The following GLRX3 variants were observed in gnomAD, a reference collection of about 807,000 sequenced individuals.
GLRX3 encodes the protein glutaredoxin 3.
In GLRX3, 22 loss-of-function variants were observed where a neutral mutation model predicts 49.5. The observed-to-expected ratio is 0.44, with a 90% CI of 0.32 to 0.63. GLRX3 has a LOEUF of 0.63. Among genes scored for constraint, GLRX3 ranks in the 30% least tolerant of loss-of-function variants. The pLI is 0.05. For synonymous variants in GLRX3, 133 were observed against 140.0 expected (o/e 0.95, Z 0.35); for missense variants, 385 against 396.3 (o/e 0.97, Z 0.24).
chr10:130,149,399 G>A (rs1341330355), intron 2 of GLRX3, among the ~76,000 whole-genome samples: 1 of 150,806 alleles, frequency 6.6e-6, no homozygotes, highest in African/African-American at 2.4e-5. Context: ...CCGAGATCGC[G>A]CTACTGCACT....
rs140073546 is a variant in GLRX3 at position 130,160,052 on chromosome 10, A to G, written c.259A>G (p.Thr87Ala). 3 of 1,598,250 alleles carry G rather than the reference A, an allele frequency of 1.9e-6. No homozygotes were observed. The highest frequency in any genetic ancestry group is 2.6e-6 in the Non-Finnish European group (3 of 1,165,664). ...AAAATATGAAATTAGCTCTGTTCCC[A>G]CTTTTCTGTTTTTCAAGGTAAGGAT... ...SEKYEISSVPTFLFFKNSQKI... is the reference protein window; with the variant it reads ...SEKYEISSVPAFLFFKNSQKI... The change falls in exon 3 of 11, where the codon ACT becomes GCT. Residue 87 changes from threonine (T) to alanine (A), a missense_variant. Thr to Ala is a moderately conservative substitution (Grantham distance 58). Around this residue, in one of 2 missense-constraint regions of GLRX3, gnomAD observed 374 missense variants for 358.6 expected, o/e 1.04. Coordinates refer to ENST00000331244, the MANE Select transcript of GLRX3 (RefSeq NM_006541.5).
Position 130,145,271 on chromosome 10 carries a change from A to C in GLRX3, c.153A>C (p.Glu51Asp), listed in dbSNP as rs775246586. 3.8e-6 allele frequency: 6 copies of C among 1,577,664 alleles called. No homozygotes were observed. The highest frequency in any genetic ancestry group is 5.2e-6 in the Non-Finnish European group (6 of 1,147,334). The part of the protein sequence containing the change: ...PWAPQCAQMN[E>D]VMAELAKELP... ...CTCCACAGTGTGCACAGATGAACGA[A>C]GTTATGGCAGAGTTAGCTAAAGAAC... The change falls in exon 2 of 11, where the codon GAA (glutamate) becomes GAC (aspartate). Residue 51 changes from glutamate (E) to aspartate (D), a missense_variant. Glu to Asp is a conservative substitution (Grantham distance 45). Transcript: ENST00000331244.
chr10:130,147,252 T>C (rs924893573), intron 2 of GLRX3, among the ~76,000 whole-genome samples: 1 of 152,244 alleles, frequency 6.6e-6, no homozygotes. Flanking sequence ...GTGAAATGAA[T>C]GATTAAACAT....
In GLRX3 at chr10:130,145,221, G is replaced by T. The variant is rs1366296884; in HGVS notation, c.103G>T (p.Val35Leu). Reference sequence around the variant, plus strand: ...TTAATTGATTTACAGGTCCCTCCTTGTGGTCCATTTCTGGGCACCATGGGC... The same window carrying T: ...TTAATTGATTTACAGGTCCCTCCTTTTGGTCCATTTCTGGGCACCATGGGC... ...LLRLKAKSLL[V>L]VHFWAPWAPQ... The change falls in exon 2 of 11, where the codon GTG becomes TTG. Residue 35 changes from valine (V) to leucine (L), a missense_variant. Transcript: ENST00000331244. 2.8e-6 allele frequency: 4 copies of T among 1,411,262 alleles called. No individual in the cohort carries two copies. In the African/African-American group the frequency reaches 5.6e-5, roughly 20 times the overall value. The allele number at this position is 1,411,262 out of a possible 1,614,324, so 87.4% of individuals were successfully genotyped here. A position where few individuals can be genotyped will look rare whatever the true frequency, so the allele number is the denominator to read the frequency against.
intron 1 of GLRX3, among the ~76,000 whole-genome samples, chr10:130,139,124 G>A (rs7895399): frequency 0.21 from 32,316 of 151,578 alleles, 3,595 homozygotes; most frequent in Middle Eastern, 0.3. Context: ...CAGCGTGCTG[G>A]GATTACAGGC....
rs1862542965 is a variant in GLRX3, at chr10:130,160,006, A to G, written c.213A>G (p.Glu71=). The G allele has an allele frequency of 3.1e-6, 5 of 1,587,430 alleles. No homozygotes were observed. Among genetic ancestry groups the G allele is most frequent in the Non-Finnish European group, 4.3e-6 (5 of 1,155,738 alleles). Residue 71 remains glutamate, a synonymous_variant, in exon 3 of 11, where the codon GAA becomes GAG. Transcript: ENST00000331244. ...CTTTTATTTTAAAGTTGGAAGCTGA[A>G]GGTGTTCCTGAAGTATCTGAAAAAT... ...PQVSFVKLEA[E]GVPEVSEKYE...
chr10:130,150,819 G>T (rs115515252), intron 2 of GLRX3, among the ~76,000 whole-genome samples: 2,906 of 152,216 alleles, frequency 0.019, 104 homozygotes, highest in African/African-American at 0.067. Context: ...AAATTTTTCA[G>T]TGGCAGAGAA....
In GLRX3 at chr10:130,166,674, A is replaced by C. The variant is rs1195679204; in HGVS notation, c.646A>C (p.Ile216Leu). 1.3e-6 allele frequency: 2 copies of C among 1,596,762 alleles called. No individual in the cohort carries two copies. The highest frequency in any genetic ancestry group is 1.7e-6 in the Non-Finnish European group (2 of 1,165,362). The change falls in exon 5 of 11, where the codon ATT (isoleucine) becomes CTT (leucine). Residue 216 changes from isoleucine (I) to leucine (L), a missense_variant. By Grantham distance (5) the Ile-to-Leu change is conservative. This residue lies in a region of GLRX3 where 374 missense variants were observed against 358.6 expected (regional missense o/e 1.04). Transcript: ENST00000331244. ...SGELIGGLDI[I>L]KELEASEELD... Reference sequence around the variant, plus strand: ...AGAGCTCATAGGAGGACTTGATATAATTAAGGTTAGAATTGAGAAGTCTGT... The same window carrying C: ...AGAGCTCATAGGAGGACTTGATATACTTAAGGTTAGAATTGAGAAGTCTGT...
At chr10:130,138,647 T>C (rs1379903011) in intron 1 of GLRX3, among the ~76,000 whole-genome samples, 4 of 152,194 alleles carry the variant, frequency 2.6e-5, no homozygotes, top group Non-Finnish European at 4.4e-5. Context: ...AGCTGGGCTC[T>C]GACTCATCCA....
chr10:130,174,912 T>C lies in GLRX3; in HGVS notation c.864+6T>C. The C allele has an allele frequency of 6.3e-7, 1 of 1,596,964 alleles. No homozygotes were observed. The highest frequency in any genetic ancestry group is 8.6e-7 in the Non-Finnish European group (1 of 1,164,384). On this transcript the variant is annotated splice_donor_region_variant and intron_variant, in intron 9 of 10. Transcript: ENST00000331244. ...ATATATTGGAGGATGAAGAAGTAAG[T>C]TCTGTGTTTGATGTTTCACCCTTGT...
At chr10:130,175,875 C>T (rs895805002) in intron 10 of GLRX3, among the ~76,000 whole-genome samples, 2 of 152,192 alleles carry the variant, frequency 1.3e-5, no homozygotes, top group African/African-American at 2.4e-5. Context: ...ATGGTGGCAT[C>T]GAGGAGGGTG....
Position 130,160,869 on chromosome 10 carries a change from C to G in GLRX3, c.350C>G (p.Ser117Cys), listed in dbSNP as rs1220421788. Reference protein sequence around the residue: ...ELTKKVQRHASSGSFLPSANE... With the variant: ...ELTKKVQRHACSGSFLPSANE... The stretch of plus-strand genomic sequence containing the variant: ...ACCAAAAAAGTTCAGCGACATGCAT[C>G]TAGTGGCTCCTTCCTACCCAGCGCT... Residue 117 changes from serine (S) to cysteine (C), a missense_variant, in exon 4 of 11, where the codon TCT (serine) becomes TGT (cysteine). Ser to Cys is a moderately radical substitution (Grantham distance 112). Transcript: ENST00000331244. 5 of 1,609,806 alleles carry G rather than the reference C, an allele frequency of 3.1e-6. No individual in the cohort carries two copies. The African/African-American group carries it at 6.7e-5, about 22-fold the overall frequency.
intron 6 of GLRX3, among the ~76,000 whole-genome samples, chr10:130,168,262 G>A (rs1862732496): frequency 1.3e-5 from 2 of 152,198 alleles, no homozygotes; most frequent in Non-Finnish European, 2.9e-5. Context: ...AGTACTTTGT[G>A]AGCTGTGGTT....
Position 130,136,440 on chromosome 10 carries a change from A to G in GLRX3, c.20A>G (p.Glu7Gly), listed in dbSNP as rs1435389346. 3.2e-6 allele frequency: 4 copies of G among 1,258,420 alleles called. No individual in the cohort carries two copies. Among genetic ancestry groups the G allele is most frequent in the Non-Finnish European group, 4.0e-6 (4 of 995,598 alleles). The allele number at this position is 1,258,420 out of a possible 1,614,324, so 78.0% of individuals were successfully genotyped here. The change falls in exon 1 of 11, where the codon GAG (glutamate) becomes GGG (glycine). Residue 7 changes from glutamate to glycine, a missense_variant. Physicochemically the swap from Glu to Gly is moderately conservative, Grantham distance 98. Around this residue, in one of 2 missense-constraint regions of GLRX3, gnomAD observed 374 missense variants for 358.6 expected, o/e 1.04. Transcript: ENST00000331244. Reference sequence around the variant, plus strand: ...GGCAGCATGGCGGCGGGGGCGGCTGAGGCAGCTGTAGCGGCCGTGGAGGAG... The same window carrying G: ...GGCAGCATGGCGGCGGGGGCGGCTGGGGCAGCTGTAGCGGCCGTGGAGGAG... MAAGAA[E>G]AAVAAVEEVG...
intron 6 of GLRX3, among the ~76,000 whole-genome samples, chr10:130,168,759 T>C (rs893896559): frequency 2.0e-5 from 3 of 152,170 alleles, no homozygotes; most frequent in Non-Finnish European, 4.4e-5. Context: ...TAAGGAGATT[T>C]TTGAGCTGTG....
chr10:130,164,876 T>A (rs1409529386), intron 4 of GLRX3, among the ~76,000 whole-genome samples: 1 of 152,264 alleles, frequency 6.6e-6, no homozygotes, highest in African/African-American at 2.4e-5. Context: ...AGCCGTTAGC[T>A]GTTTACTAAT....
At chr10:130,155,165 C>T (rs894530622) in intron 2 of GLRX3, among the ~76,000 whole-genome samples, 7 of 152,072 alleles carry the variant, frequency 4.6e-5, no homozygotes, top group Admixed American at 1.3e-4. Flanking sequence ...AAGGAGCCAG[C>T]CATTGGGAGA....
chr10:130,176,765 C>G, intron 10 of GLRX3, among the ~76,000 whole-genome samples: 1 of 62,718 alleles, frequency 1.6e-5, no homozygotes, highest in Admixed American at 1.5e-4. Flanking sequence ...TCCCTCCCTC[C>G]CTCCCTCTTT....
rs920396294 is a variant in GLRX3, at chr10:130,160,793, T to C, written c.277-3T>C. 5 of 1,557,830 alleles carry C rather than the reference T, an allele frequency of 3.2e-6. No individual in the cohort carries two copies. The African/African-American group carries it at 5.4e-5, about 17-fold the overall frequency. ...GTATTCTAAATAACTTTTTAAACTT[T>C]AGAATTCTCAGAAAATCGACCGATT... On this transcript the variant is annotated splice_region_variant and splice_polypyrimidine_tract_variant and intron_variant, in intron 3 of 10. Transcript: ENST00000331244.
Sources: allele counts gnomAD v4.1 joint callset (sites outside exome capture counted in the v4.1 genomes callset), GRCh38; gene constraint gnomAD v4.1.1; regional missense constraint gnomAD v4.1.1; transcripts MANE v1.5; gene names NCBI Gene and HGNC (gene_info 2026-07-23, HGNC 2026-07-21).